The following SH3RF2 variants were observed in gnomAD, a reference collection of about 807,000 sequenced individuals.
The protein encoded by SH3RF2 is E3 ubiquitin-protein ligase SH3RF2.
Under a neutral mutation model 59.0 loss-of-function variants are expected in SH3RF2, and 43 were observed. That is an observed-to-expected ratio of 0.73 (90% confidence interval 0.57 to 0.94). The LOEUF (loss-of-function observed/expected upper bound fraction) is 0.94. Among genes scored for constraint, SH3RF2 ranks in the 40% least tolerant of loss-of-function variants. The pLI is 0.00. For missense variants in SH3RF2, 930 were observed against 940.1 expected (o/e 0.99, Z 0.14); for synonymous variants, 391 against 391.5 (o/e 1.00, Z 0.01).
At position 145,937,834 on chromosome 5, in the gene SH3RF2, G is replaced by C; in HGVS notation, c.-95G>C. ...CCTCCTTCAAGCAGGCAAAAATTCT[G>C]ACGTTCTCAAGAGACCAGCTCTGCC... On this transcript the variant is annotated 5_prime_UTR_variant, in exon 2 of 10. Transcript: ENST00000359120. 2 of 1,457,846 alleles carry C rather than the reference G, an allele frequency of 1.4e-6. No individual in the cohort carries two copies. Among genetic ancestry groups the C allele is most frequent in the Admixed American group, 4.5e-5 (2 of 44,286 alleles). 90.3% of individuals were successfully genotyped at this position (1,457,846 alleles called of 1,614,324 possible). A position where few individuals can be genotyped will look rare whatever the true frequency, so the allele number is the denominator to read the frequency against.
chr5:146,004,654 TATATGGAGAATAATATTTATGGAGAATA>T (rs1415556641), intron 4 of SH3RF2, among the ~76,000 whole-genome samples: 44 of 152,074 alleles, frequency 2.9e-4, no homozygotes, highest in South Asian at 8.3e-4. Context: ...ATATTATCCA[TATATGGAGAATAATATTTATGGAGAATA>T]ATATGGAGAA....
intron 5 of SH3RF2, among the ~76,000 whole-genome samples, chr5:146,027,340 C>T (rs1348596810): frequency 3.3e-5 from 5 of 152,326 alleles, no homozygotes; most frequent in South Asian, 2.1e-4. Context: ...ATACACACCT[C>T]GCAGTTTTTT....
At chr5:145,979,586 A>G (rs1045653600) in intron 2 of SH3RF2, among the ~76,000 whole-genome samples, 1 of 152,216 alleles carries the variant, frequency 6.6e-6, no homozygotes, top group Non-Finnish European at 1.5e-5. Context: ...GAAATACCCC[A>G]TCATGGCTAC....
chr5:146,062,585 C>T lies in SH3RF2; in HGVS notation c.2074C>T (p.Arg692Ter), dbSNP rs376569546. ...GPEMTVLFAHRSGCHSGQQTD... is the reference protein window; with the variant it reads ...GPEMTVLFAH ...AGAGATGACCGTCCTATTTGCCCAC[C>T]GAAGTGGCTGCCACTCCGGACAGCA... The change falls in exon 10 of 10, where the codon CGA becomes TGA. Residue 692 changes from arginine to a stop codon, truncating the protein, a stop_gained. Transcript: ENST00000359120. LOFTEE classifies it high-confidence loss of function. 32 of 1,614,044 alleles carry T rather than the reference C, an allele frequency of 2.0e-5. No homozygotes were observed. In the African/African-American group the frequency reaches 2.3e-4, roughly 11 times the overall value.
chr5:145,974,530 A>G (rs1401348994), intron 2 of SH3RF2, among the ~76,000 whole-genome samples: 2 of 152,224 alleles, frequency 1.3e-5, no homozygotes, highest in African/African-American at 4.8e-5. Context: ...TATAGCATTT[A>G]TTAACCATAT....
At chr5:146,035,421 C>T (rs1761899130) in intron 5 of SH3RF2, among the ~76,000 whole-genome samples, 1 of 151,398 alleles carries the variant, frequency 6.6e-6, no homozygotes, top group South Asian at 2.1e-4. Context: ...GAAGTGACAC[C>T]TTAGATTTTA....
intron 2 of SH3RF2, among the ~76,000 whole-genome samples, chr5:145,943,711 TTTTTGTTTTTG>T (rs1232818113): frequency 1.3e-5 from 2 of 151,864 alleles, no homozygotes; most frequent in Admixed American, 6.6e-5. Context: ...TTTGTTTTTG[TTTTTGTTTTTG>T]TTTTATCAGT....
At chr5:145,978,971 T>A (rs567593720) in intron 2 of SH3RF2, among the ~76,000 whole-genome samples, 22 of 152,294 alleles carry the variant, frequency 1.4e-4, no homozygotes, top group African/African-American at 5.3e-4. Flanking sequence ...TGGGTTCCTG[T>A]TTTCCTGTGC....
chr5:146,053,660 G>A (rs1561765766), intron 7 of SH3RF2, among the ~76,000 whole-genome samples: 1 of 152,078 alleles, frequency 6.6e-6, no homozygotes, highest in Non-Finnish European at 1.5e-5. Flanking sequence ...TAGCTTCCTT[G>A]GATCTTGTTT....
chr5:146,048,389 A>G (rs1038141502), intron 6 of SH3RF2, among the ~76,000 whole-genome samples: 14 of 152,064 alleles, frequency 9.2e-5, no homozygotes, highest in Non-Finnish European at 1.9e-4. Flanking sequence ...GTAGAAAGAG[A>G]CTGGAAGATT....
intron 2 of SH3RF2, among the ~76,000 whole-genome samples, chr5:145,940,390 T>C (rs1414439728): frequency 6.6e-6 from 1 of 152,248 alleles, no homozygotes; most frequent in African/African-American, 2.4e-5. Context: ...ATGGCTGCTG[T>C]TCTGCAACGT....
intron 4 of SH3RF2, among the ~76,000 whole-genome samples, chr5:146,008,243 A>G (rs1322333599): frequency 1.3e-5 from 2 of 152,160 alleles, no homozygotes; most frequent in African/African-American, 2.4e-5. Flanking sequence ...GAGACCTGCA[A>G]TTCTTCCCCA....
chr5:146,018,152 G>A (rs1160023168), intron 5 of SH3RF2, among the ~76,000 whole-genome samples: 2 of 152,076 alleles, frequency 1.3e-5, no homozygotes, highest in Non-Finnish European at 2.9e-5. Flanking sequence ...TTACATGGAT[G>A]AATTGTATAG....
At chr5:146,021,733 C>G (rs1409736386) in intron 5 of SH3RF2, among the ~76,000 whole-genome samples, 1 of 152,112 alleles carries the variant, frequency 6.6e-6, no homozygotes, top group Non-Finnish European at 1.5e-5. Context: ...GCCAGAGCCC[C>G]CTGGGTAAAG....
At chr5:146,017,181 A>C (rs1761136635) in intron 5 of SH3RF2, among the ~76,000 whole-genome samples, 1 of 152,208 alleles carries the variant, frequency 6.6e-6, no homozygotes, top group Admixed American at 6.5e-5. Flanking sequence ...GACTAAAAAC[A>C]ATGGCACTCG....
intron 5 of SH3RF2, among the ~76,000 whole-genome samples, chr5:146,033,451 CTTTTT>C (rs558717056): frequency 2.4e-4 from 17 of 71,848 alleles, no homozygotes; most frequent in African/African-American, 1.3e-3. Context: ...TAGCCCTTAG[CTTTTT>C]TTTTTTTTTT....
chr5:146,061,756 G>A (rs1762901666), intron 9 of SH3RF2, among the ~76,000 whole-genome samples: 1 of 152,108 alleles, frequency 6.6e-6, no homozygotes. Context: ...ATATAAAGGG[G>A]GCACTGCTTC....
At chr5:146,076,331 T>C (rs1230903623) in intron 9 of SH3RF2, among the ~76,000 whole-genome samples, 4 of 151,662 alleles carry the variant, frequency 2.6e-5, no homozygotes, top group East Asian at 3.9e-4. Context: ...TCTGGGCCCA[T>C]TGTGATATTA....
intron 6 of SH3RF2, among the ~76,000 whole-genome samples, chr5:146,048,808 T>C (rs1490106578): frequency 1.3e-5 from 2 of 152,110 alleles, no homozygotes; most frequent in African/African-American, 4.8e-5. Context: ...CTGTGTGGAC[T>C]TCAGTCACAG....
Sources: allele counts gnomAD v4.1 joint callset (sites outside exome capture counted in the v4.1 genomes callset), GRCh38; gene constraint gnomAD v4.1.1; transcripts MANE v1.5; gene names NCBI Gene and HGNC (gene_info 2026-07-23, HGNC 2026-07-21).